MAGI3: variants seen among roughly 807,000 people sequenced by gnomAD.
MAGI3 encodes the protein membrane-associated guanylate kinase, WW and PDZ domain-containing protein 3.
Under a neutral mutation model 121.8 loss-of-function variants are expected in MAGI3, and 43 were observed. The ratio of observed to expected loss-of-function variants is 0.35; its 90% confidence interval spans 0.28 to 0.46. The LOEUF (loss-of-function observed/expected upper bound fraction) is 0.46, where lower values mean the gene tolerates loss of function less well. Among genes scored for constraint, MAGI3 ranks in the 20% least tolerant of loss-of-function variants. The pLI, the probability that MAGI3 is intolerant of heterozygous loss-of-function variation, is 1.00. For missense variants in MAGI3, 1,547 were observed against 1,797.3 expected (o/e 0.86, Z 2.52); for synonymous variants, 553 against 639.3 (o/e 0.86, Z 2.04).
At chr1:113,545,489 C>T (rs1395459079) in intron 1 of MAGI3, among the ~76,000 whole-genome samples, 1 of 152,242 alleles carries the variant, frequency 6.6e-6, no homozygotes, top group Non-Finnish European at 1.5e-5. Flanking sequence ...TTTACAGCTG[C>T]TTGCCTGGCC....
intron 1 of MAGI3, among the ~76,000 whole-genome samples, chr1:113,420,417 A>G (rs1409409833): frequency 1.3e-5 from 2 of 152,224 alleles, no homozygotes; most frequent in African/African-American, 4.8e-5. Context: ...AGAAAGACTG[A>G]AAACAAGGGC....
intron 14 of MAGI3, among the ~76,000 whole-genome samples, chr1:113,651,930 G>C (rs1437156032): frequency 1.3e-5 from 2 of 152,184 alleles, no homozygotes; most frequent in Non-Finnish European, 2.9e-5. Flanking sequence ...GTTTCTACTT[G>C]AGAAGTTTTA....
At chr1:113,430,829 G>A (rs1191814202) in intron 1 of MAGI3, among the ~76,000 whole-genome samples, 2 of 152,164 alleles carry the variant, frequency 1.3e-5, no homozygotes. Flanking sequence ...TTTAAGCTAG[G>A]ACATGTTCAA....
At chr1:113,398,906 G>GA (rs1394734055) in intron 1 of MAGI3, among the ~76,000 whole-genome samples, 20 of 151,752 alleles carry the variant, frequency 1.3e-4, no homozygotes, top group Admixed American at 7.9e-4. Context: ...CAGCAGGAAA[G>GA]AAAAAAATCT....
chr1:113,530,495 G>A (rs945942433), intron 1 of MAGI3, among the ~76,000 whole-genome samples: 5 of 151,852 alleles, frequency 3.3e-5, no homozygotes, highest in Admixed American at 2.6e-4. Flanking sequence ...TACCTGTTGG[G>A]CACTATGCTT....
chr1:113,610,596 C>A (rs1433681788), intron 6 of MAGI3, among the ~76,000 whole-genome samples: 2 of 152,160 alleles, frequency 1.3e-5, no homozygotes, highest in Admixed American at 6.5e-5. Flanking sequence ...GACATCCCCC[C>A]AGCTGCTTGA....
chr1:113,416,391 T>A (rs1335743279), intron 1 of MAGI3, among the ~76,000 whole-genome samples: 1 of 110,120 alleles, frequency 9.1e-6, no homozygotes, highest in African/African-American at 3.5e-5. Flanking sequence ...ATAATATATA[T>A]TAATTATTAA....
rs150071766 is a variant in MAGI3, at chr1:113,681,333, C to T, written c.3325C>T (p.His1109Tyr). The T allele has an allele frequency of 2.7e-5, 44 of 1,612,502 alleles. No individual in the cohort carries two copies. Among genetic ancestry groups the T allele is most frequent in the African/African-American group, 1.6e-4 (12 of 74,804 alleles). Residue 1109 changes from histidine to tyrosine, a missense_variant, in exon 20 of 21, where the codon CAT becomes TAT. Physicochemically the swap from His to Tyr is moderately conservative, Grantham distance 83. Transcript: ENST00000307546. ...GCCAGGAACTGGCTTGATACCTGAC[C>T]ATGGTAAGTAAAGTAGCCCACTAGT... Reference protein sequence around the residue: ...LRPGTGLIPDHGDWDINNPSS... With the variant: ...LRPGTGLIPDYGDWDINNPSS...
chr1:113,617,168 C>T (rs573321460), intron 7 of MAGI3, among the ~76,000 whole-genome samples: 34 of 152,180 alleles, frequency 2.2e-4, no homozygotes, highest in African/African-American at 7.9e-4. Context: ...GGATCCCAGG[C>T]GTGAGCTACC....
At chr1:113,435,963 G>A (rs1653544747) in intron 1 of MAGI3, among the ~76,000 whole-genome samples, 1 of 152,044 alleles carries the variant, frequency 6.6e-6, no homozygotes, top group South Asian at 2.1e-4. Flanking sequence ...AAATCTTTGT[G>A]TCATATATTG....
At chr1:113,464,618 A>G (rs553578722) in intron 1 of MAGI3, among the ~76,000 whole-genome samples, 12 of 152,238 alleles carry the variant, frequency 7.9e-5, no homozygotes, top group African/African-American at 2.2e-4. Flanking sequence ...CCCACCAACA[A>G]TGTATAAGGG....
intron 1 of MAGI3, among the ~76,000 whole-genome samples, chr1:113,469,046 A>G (rs1655423389): frequency 6.6e-6 from 1 of 152,192 alleles, no homozygotes; most frequent in Non-Finnish European, 1.5e-5. Flanking sequence ...AGATACATAC[A>G]TAAACACACT....
At chr1:113,542,192 T>TA (rs1432917754) in intron 1 of MAGI3, among the ~76,000 whole-genome samples, 1 of 152,122 alleles carries the variant, frequency 6.6e-6, no homozygotes, top group African/African-American at 2.4e-5. Context: ...ATCCTACATA[T>TA]ACTATGTTTT....
chr1:113,651,211 G>A lies in MAGI3; in HGVS notation c.2440+5G>A. Reference sequence around the variant, plus strand: ...GACGGAAGATCTTCTATGGAGGTGTGTGAACTTGTTCCTGCTCTGAAAAGT... The same window carrying A: ...GACGGAAGATCTTCTATGGAGGTGTATGAACTTGTTCCTGCTCTGAAAAGT... On this transcript the variant is annotated splice_donor_5th_base_variant and intron_variant, in intron 14 of 20. Coordinates refer to ENST00000307546, the MANE Select transcript of MAGI3 (RefSeq NM_001142782.2). The A allele has an allele frequency of 6.3e-7, 1 of 1,598,242 alleles. No individual in the cohort carries two copies.
chr1:113,419,180 T>C (rs897307693), intron 1 of MAGI3, among the ~76,000 whole-genome samples: 1 of 152,150 alleles, frequency 6.6e-6, no homozygotes, highest in African/African-American at 2.4e-5. Context: ...ACACATTATA[T>C]AGGGATTTTC....
chr1:113,631,363 A>AGG (rs1557862379), intron 9 of MAGI3, among the ~76,000 whole-genome samples: 1 of 152,078 alleles, frequency 6.6e-6, no homozygotes, highest in Non-Finnish European at 1.5e-5. Flanking sequence ...CTGTGGGGGT[A>AGG]GGGGGATGAG....
At chr1:113,451,656 A>C (rs1373404659) in intron 1 of MAGI3, among the ~76,000 whole-genome samples, 2 of 152,164 alleles carry the variant, frequency 1.3e-5, no homozygotes, top group East Asian at 3.9e-4. Context: ...GGAAATGGGT[A>C]GTATGATCAA....
At chr1:113,484,736 C>CCTTCT (rs1656292483) in intron 1 of MAGI3, among the ~76,000 whole-genome samples, 2 of 129,856 alleles carry the variant, frequency 1.5e-5, no homozygotes, top group Non-Finnish European at 3.3e-5. Flanking sequence ...CCTTCCCTTC[C>CCTTCT]CTTCCCTTCC....
Position 113,685,801 on chromosome 1 carries a change from T to C in MAGI3, c.*1787T>C, listed in dbSNP as rs1462140116. The stretch of plus-strand genomic sequence containing the variant: ...TGGCCTTGGAATGCTGAGCAAAATG[T>C]GGATGTACTGGTTGTAAATGTTTAT... On this transcript the variant is annotated 3_prime_UTR_variant, in exon 21 of 21. Coordinates refer to ENST00000307546, the MANE Select transcript of MAGI3 (RefSeq NM_001142782.2). The C allele has an allele frequency of 6.6e-6, 1 of 152,362 alleles. No homozygotes were observed. The highest frequency in any genetic ancestry group is 1.9e-4 in the East Asian group (1 of 5,326). The allele number at this position is 152,362 out of a possible 1,614,324, so 9.4% of individuals were successfully genotyped here. A position where few individuals can be genotyped will look rare whatever the true frequency, so the allele number is the denominator to read the frequency against.
Sources: gnomAD v4.1 joint callset for allele counts (sites outside exome capture counted in the v4.1 genomes callset) on GRCh38, gnomAD v4.1.1 for gene constraint, MANE v1.5 for transcripts, NCBI Gene and HGNC (gene_info 2026-07-23, HGNC 2026-07-21) for gene names.